LRRC7: variants seen among roughly 807,000 people sequenced by gnomAD.
LRRC7 encodes leucine-rich repeat-containing protein 7.
Under a neutral mutation model 175.7 loss-of-function variants are expected in LRRC7, and 23 were observed. The ratio of observed to expected loss-of-function variants is 0.13; its 90% CI spans 0.09 to 0.19. LRRC7 has a LOEUF of 0.19. Ranked by LOEUF, LRRC7 falls within the 10% of genes least tolerant of loss-of-function variation. LRRC7 has a pLI of 1.00. For missense variants in LRRC7, 1,354 were observed against 1,904.7 expected, an observed-to-expected ratio of 0.71 and a Z score of 5.38; for synonymous variants, 685 against 680.9, an observed-to-expected ratio of 1.01 and a Z score of -0.09.
At chr1:69,610,209 C>T (rs902426047) in intron 1 of LRRC7, among the ~76,000 whole-genome samples, 3 of 152,020 alleles carry the variant, frequency 2.0e-5, no homozygotes, top group African/African-American at 7.2e-5. Flanking sequence ...ATTCAATACC[C>T]TAAATTTGAC....
chr1:69,924,882 T>G (rs972743498), intron 7 of LRRC7, among the ~76,000 whole-genome samples: 4 of 152,232 alleles, frequency 2.6e-5, no homozygotes, highest in African/African-American at 9.6e-5. Context: ...TGTGCCAGTT[T>G]TCAAATGGAA....
At chr1:69,942,639 C>G (rs1397815187) in intron 8 of LRRC7, among the ~76,000 whole-genome samples, 2 of 151,988 alleles carry the variant, frequency 1.3e-5, no homozygotes, top group Non-Finnish European at 2.9e-5. Flanking sequence ...TCGCCTTGAT[C>G]TCTGCCTCTC....
chr1:69,713,140 A>C (rs1664965822), intron 2 of LRRC7, among the ~76,000 whole-genome samples: 1 of 152,124 alleles, frequency 6.6e-6, no homozygotes. Context: ...TGTAATAAAA[A>C]ATAATAATAA....
chr1:69,760,591 C>G (rs1427281984), intron 3 of LRRC7, among the ~76,000 whole-genome samples, 198 bp downstream of exon 3: 1 of 151,864 alleles, frequency 6.6e-6, no homozygotes, highest in Non-Finnish European at 1.5e-5. Context: ...CTGTTAATAA[C>G]AAATTGAGCT....
intron 7 of LRRC7, among the ~76,000 whole-genome samples, chr1:69,916,094 A>G (rs1276633676): frequency 2.1e-4 from 28 of 136,122 alleles, no homozygotes; most frequent in African/African-American, 6.5e-4. Context: ...TATTATATAC[A>G]TATTTTATAT....
chr1:69,956,026 G>C (rs541961509), intron 8 of LRRC7, among the ~76,000 whole-genome samples: 1 of 151,946 alleles, frequency 6.6e-6, no homozygotes, highest in Non-Finnish European at 1.5e-5. Flanking sequence ...TAGTTCACAT[G>C]GTAGAATTTA....
chr1:70,117,974 C>T (rs921616914), intron 26 of LRRC7, among the ~76,000 whole-genome samples: 4 of 151,862 alleles, frequency 2.6e-5, no homozygotes, highest in Middle Eastern at 3.4e-3. Flanking sequence ...AAATCATATG[C>T]ATTTATTTTT....
intron 8 of LRRC7, among the ~76,000 whole-genome samples, chr1:69,967,310 G>A (rs570299557): frequency 6.6e-6 from 1 of 152,192 alleles, no homozygotes; most frequent in South Asian, 2.1e-4. Flanking sequence ...CCCAAGTAAA[G>A]TCTGAGGTCA....
chr1:69,799,817 C>T (rs1186045990), intron 4 of LRRC7, among the ~76,000 whole-genome samples: 3 of 151,978 alleles, frequency 2.0e-5, no homozygotes, highest in Non-Finnish European at 4.4e-5. Flanking sequence ...GAATTATTTG[C>T]CTAGTTCAAT....
chr1:69,645,206 C>T (rs933069577), intron 1 of LRRC7, among the ~76,000 whole-genome samples: 1 of 151,694 alleles, frequency 6.6e-6, no homozygotes, highest in Non-Finnish European at 1.5e-5. Flanking sequence ...TATACAAAAC[C>T]CAAAGGAATC....
chr1:69,924,453 T>C (rs1270897019), intron 7 of LRRC7, among the ~76,000 whole-genome samples: 4 of 152,318 alleles, frequency 2.6e-5, no homozygotes, highest in South Asian at 4.1e-4. Context: ...TGTTCTTCCA[T>C]TTGTATCCTC....
At chr1:69,640,649 A>T (rs1368926091) in intron 1 of LRRC7, among the ~76,000 whole-genome samples, 1 of 149,314 alleles carries the variant, frequency 6.7e-6, no homozygotes, top group African/African-American at 2.5e-5. Flanking sequence ...ATTTTTTTTT[A>T]ATTCTAACTT....
At chr1:69,750,093 T>TAAATAAATAAATAAATAATA (rs139997047) in intron 2 of LRRC7, among the ~76,000 whole-genome samples, 12,987 of 141,852 alleles carry the variant, frequency 0.092, 734 homozygotes, top group East Asian at 0.18. Flanking sequence ...AATAAATAAA[T>TAAATAAATAAATAAATAATA]AATAATAACT....
intron 7 of LRRC7, among the ~76,000 whole-genome samples, chr1:69,882,288 T>C (rs1181278063): frequency 6.6e-6 from 1 of 152,030 alleles, no homozygotes; most frequent in African/African-American, 2.4e-5. Flanking sequence ...GGTACAGCCA[T>C]TACAGAAAAC....
At chr1:69,975,303 A>G (rs1652696500) in intron 8 of LRRC7, among the ~76,000 whole-genome samples, 1 of 152,222 alleles carries the variant, frequency 6.6e-6, no homozygotes, top group African/African-American at 2.4e-5. Context: ...CCACCTACAC[A>G]CCAAGATTTT....
At chr1:70,021,398 A>T in intron 16 of LRRC7, 2 of 272,592 alleles carry the variant, frequency 7.3e-6, no homozygotes, top group South Asian at 9.6e-5. Context: ...AAGTAGAAAA[A>T]AAAATCTGTG....
chr1:69,791,801 A>T (rs1269996800), intron 3 of LRRC7, among the ~76,000 whole-genome samples: 2 of 151,950 alleles, frequency 1.3e-5, no homozygotes, highest in Non-Finnish European at 2.9e-5. Context: ...TGGTAAAAGA[A>T]GGGGCAAAAT....
intron 7 of LRRC7, among the ~76,000 whole-genome samples, chr1:69,923,367 G>A (rs1048880701): frequency 3.3e-5 from 5 of 152,090 alleles, no homozygotes; most frequent in African/African-American, 1.2e-4. Context: ...GGTATTACTA[G>A]TTCTAGATCC....
chr1:70,139,920 G>C lies in LRRC7; in HGVS notation c.*18033G>C, dbSNP rs142989948. On this transcript the variant is annotated 3_prime_UTR_variant, in exon 27 of 27. Coordinates refer to ENST00000651989, the MANE Select transcript of LRRC7 (RefSeq NM_001370785.2). ...ACTGAATGACAGAGAAGGGTACACA[G>C]GGAGGACTTGTATCACATGAAGTAA... 1.4e-4 allele frequency: 22 copies of C among 152,236 alleles called. No homozygotes were observed. The highest frequency in any genetic ancestry group is 3.1e-4 in the Non-Finnish European group (21 of 68,008). The allele number at this position is 152,236 out of a possible 1,614,324, so 9.4% of individuals were successfully genotyped here. A position where few individuals can be genotyped will look rare whatever the true frequency, so the allele number is the denominator to read the frequency against.
Sources: allele counts gnomAD v4.1 joint callset (sites outside exome capture counted in the v4.1 genomes callset), GRCh38; gene constraint gnomAD v4.1.1; transcripts MANE v1.5; gene names NCBI Gene and HGNC (gene_info 2026-07-23, HGNC 2026-07-21).